The following ARHGEF28 variants were observed in gnomAD, a reference collection of about 807,000 sequenced individuals.
ARHGEF28 encodes the protein 190 kDa guanine nucleotide exchange factor.
Under a neutral mutation model 206.6 loss-of-function variants are expected in ARHGEF28, and 152 were observed. That is an observed-to-expected ratio of 0.74 (90% CI 0.64 to 0.84). ARHGEF28 has a LOEUF of 0.84. Among genes scored for constraint, ARHGEF28 ranks in the 40% least tolerant of loss-of-function variants. The pLI, the probability that ARHGEF28 is intolerant of heterozygous loss-of-function variation, is 0.00. For missense variants in ARHGEF28, 2,028 were observed against 2,073.2 expected, an observed-to-expected ratio of 0.98 and a Z score of 0.42; for synonymous variants, 763 against 776.4, an observed-to-expected ratio of 0.98 and a Z score of 0.29.
chr5:73,859,711 G>T (rs1759271761), intron 16 of ARHGEF28, among the ~76,000 whole-genome samples: 1 of 152,102 alleles, frequency 6.6e-6, no homozygotes, highest in African/African-American at 2.4e-5. Flanking sequence ...TTTCTGGCCT[G>T]CCCACACTTC....
chr5:73,644,242 T>C (rs1375773491), intron 1 of ARHGEF28, among the ~76,000 whole-genome samples: 1 of 152,090 alleles, frequency 6.6e-6, no homozygotes, highest in African/African-American at 2.4e-5. Flanking sequence ...TCTGCACAGT[T>C]AGTGAGAGTC....
chr5:73,783,893 A>T (rs1753998221), intron 7 of ARHGEF28, among the ~76,000 whole-genome samples: 1 of 152,170 alleles, frequency 6.6e-6, no homozygotes, highest in African/African-American at 2.4e-5. Context: ...TTTGGACAGA[A>T]ATCCAAGCCC....
intron 10 of ARHGEF28, among the ~76,000 whole-genome samples, chr5:73,838,318 T>C (rs1167264724): frequency 2.0e-5 from 3 of 152,188 alleles, no homozygotes; most frequent in African/African-American, 7.2e-5. Context: ...GGAATACAAA[T>C]TCTGCATATT....
In ARHGEF28 at chr5:73,731,943, T is replaced by G. The variant is rs187901198; in HGVS notation, c.34-17894T>G. The stretch of plus-strand genomic sequence containing the variant: ...ATTGTTGAGATTGAGAGGGAGAGGG[T>G]AGTGTGTGTGTGGTCAGCATAGCCT... On this transcript the variant is annotated intron_variant, in intron 2 of 35. Transcript: ENST00000513042. Among the ~76,000 whole-genome samples, 3 of 151,922 alleles carry G rather than the reference T, an allele frequency of 2.0e-5. No homozygotes were observed. The East Asian group carries it at 5.8e-4, about 29-fold the overall frequency.
In ARHGEF28 at chr5:73,808,827, T is replaced by C. The variant is rs187612807; in HGVS notation, c.1024+13436T>C. ...AAGCAAATCTTCCTCTTTGAGCTCC[T>C]TCCCTTCTTCTTCCTCCTTCTTCTC... On this transcript the variant is annotated intron_variant, in intron 9 of 35. Coordinates refer to ENST00000513042, the MANE Select transcript of ARHGEF28 (RefSeq NM_001177693.2). Among the ~76,000 whole-genome samples the C allele has an allele frequency of 4.6e-5, 7 of 152,340 alleles. No individual in the cohort carries two copies. In the East Asian group the frequency reaches 1.3e-3, roughly 29 times the overall value.
intron 22 of ARHGEF28, among the ~76,000 whole-genome samples, chr5:73,876,808 C>A (rs1760526042): frequency 6.6e-6 from 1 of 150,534 alleles, no homozygotes. Flanking sequence ...TGATGTGCTG[C>A]TGGATTCGGT....
chr5:73,935,959 G>T (rs1764395428), intron 35 of ARHGEF28, among the ~76,000 whole-genome samples: 1 of 152,158 alleles, frequency 6.6e-6, no homozygotes, highest in South Asian at 2.1e-4. Context: ...GCAGCCCTGG[G>T]CTTCTGGGTG....
At chr5:73,812,180 C>T (rs182988334) in intron 9 of ARHGEF28, among the ~76,000 whole-genome samples, 1 of 152,124 alleles carries the variant, frequency 6.6e-6, no homozygotes, top group Admixed American at 6.6e-5. Flanking sequence ...TCCCCTTTCT[C>T]CTCTTCTCCC....
rs191496208 is a variant in ARHGEF28, at chr5:73,763,757, G to T, written c.476-10098G>T. 8.5e-5 allele frequency among the ~76,000 whole-genome samples: 13 copies of T among 152,190 alleles called. No homozygotes were observed. In the East Asian group the frequency reaches 2.5e-3, roughly 29 times the overall value. ...AACATTAACAAATGAAAGAAAAATCGATAAAGGCTGGAAAGGAGGAGGTAT... is the reference window on the plus strand; with the variant it reads ...AACATTAACAAATGAAAGAAAAATCTATAAAGGCTGGAAAGGAGGAGGTAT... On this transcript the variant is annotated intron_variant, in intron 4 of 35. Transcript: ENST00000513042.
chr5:73,667,061 G>A (rs1746002851), intron 1 of ARHGEF28, among the ~76,000 whole-genome samples: 1 of 152,206 alleles, frequency 6.6e-6, no homozygotes, highest in Non-Finnish European at 1.5e-5. Flanking sequence ...CAAAAAAGGA[G>A]GGGCAGCATC....
At chr5:73,628,430 T>A (rs1019509205) in intron 1 of ARHGEF28, among the ~76,000 whole-genome samples, 19 of 152,216 alleles carry the variant, frequency 1.2e-4, no homozygotes, top group Non-Finnish European at 2.1e-4. Context: ...CCTCACCACT[T>A]GGGCATGGCT....
chr5:73,824,472 CTTTTT>C (rs59155790), intron 9 of ARHGEF28, among the ~76,000 whole-genome samples: 1 of 142,122 alleles, frequency 7.0e-6, no homozygotes, highest in Non-Finnish European at 1.6e-5. Flanking sequence ...GGTTTGAAGA[CTTTTT>C]TTTTTTTTTT....
At chr5:73,785,550 G>A (rs375683155) in intron 7 of ARHGEF28, among the ~76,000 whole-genome samples, 1 of 151,994 alleles carries the variant, frequency 6.6e-6, no homozygotes, top group Non-Finnish European at 1.5e-5. Context: ...TGCCTCCCTC[G>A]ACATCCCACT....
chr5:73,674,174 A>G (rs962593626), intron 1 of ARHGEF28, among the ~76,000 whole-genome samples: 2 of 152,172 alleles, frequency 1.3e-5, no homozygotes, highest in African/African-American at 4.8e-5. Flanking sequence ...CTGTTTCAAA[A>G]CAAAAACAAA....
intron 1 of ARHGEF28, among the ~76,000 whole-genome samples, chr5:73,671,714 ATATATATATATATATATATATATAT>A (rs1161559414): frequency 6.5e-5 from 3 of 46,220 alleles, no homozygotes; most frequent in Admixed American, 3.3e-4. Flanking sequence ...ATATATATAT[ATATATATATATATATATATATATAT>A]TTTTTTTTTT....
At chr5:73,712,383 A>G (rs1749303288) in intron 2 of ARHGEF28, among the ~76,000 whole-genome samples, 1 of 152,188 alleles carries the variant, frequency 6.6e-6, no homozygotes, top group Admixed American at 6.5e-5. Flanking sequence ...CTGTGATACT[A>G]TACATAGTCT....
chr5:73,708,570 T>C (rs1164435948), intron 2 of ARHGEF28, among the ~76,000 whole-genome samples: 1 of 152,224 alleles, frequency 6.6e-6, no homozygotes, highest in Non-Finnish European at 1.5e-5. Context: ...TAGTATTCCA[T>C]GGTGTATATG....
chr5:73,628,053 T>C (rs1169135606), intron 1 of ARHGEF28, among the ~76,000 whole-genome samples: 1 of 152,220 alleles, frequency 6.6e-6, no homozygotes, highest in Non-Finnish European at 1.5e-5. Context: ...TAAGTTTCTA[T>C]GAAATGTCTC....
chr5:73,736,243 A>C (rs1750923533), intron 2 of ARHGEF28, among the ~76,000 whole-genome samples: 1 of 152,204 alleles, frequency 6.6e-6, no homozygotes, highest in Non-Finnish European at 1.5e-5. Context: ...GGAAATGGTC[A>C]CGGAGCCAAT....
Sources: gnomAD v4.1 joint callset for allele counts (sites outside exome capture counted in the v4.1 genomes callset) on GRCh38, gnomAD v4.1.1 for gene constraint, MANE v1.5 for transcripts, NCBI Gene and HGNC (gene_info 2026-07-23, HGNC 2026-07-21) for gene names.